Variants in CFAP54 observed in about 807,000 individuals in gnomAD.
CFAP54 encodes cilia and flagella associated protein 54.
CFAP54 carries 290 observed loss-of-function variants against 370.4 expected under a neutral mutation model. The ratio of observed to expected loss-of-function variants is 0.78; its 90% CI spans 0.71 to 0.86. The LOEUF is 0.86. Among genes scored for constraint, CFAP54 ranks in the 40% least tolerant of loss-of-function variants. CFAP54 has a pLI of 0.00. For missense variants in CFAP54, 3,399 were observed against 3,528.7 expected (o/e 0.96, Z 0.93); for synonymous variants, 1,206 against 1,236.5 (o/e 0.98, Z 0.52).
At chr12:96,555,474 A>G (rs781026885) in intron 17 of CFAP54, among the ~76,000 whole-genome samples, 1 of 151,292 alleles carries the variant, frequency 6.6e-6, no homozygotes, top group Admixed American at 6.6e-5. Flanking sequence ...AAAAGAAGAA[A>G]CAAAACTGTT....
chr12:96,633,230 A>C (rs1358755474), intron 32 of CFAP54, among the ~76,000 whole-genome samples: 1 of 152,212 alleles, frequency 6.6e-6, no homozygotes, highest in Admixed American at 6.5e-5. Context: ...GAGTTTAATC[A>C]GGAAAAGAGT....
chr12:96,765,911 A>G (rs1012423413), intron 60 of CFAP54, among the ~76,000 whole-genome samples: 6 of 152,148 alleles, frequency 3.9e-5, no homozygotes, highest in African/African-American at 1.4e-4. Flanking sequence ...TTTTTCCATT[A>G]TTTCACTCAA....
At chr12:96,640,453 A>G (rs917330565) in intron 32 of CFAP54, among the ~76,000 whole-genome samples, 1 of 152,230 alleles carries the variant, frequency 6.6e-6, no homozygotes, top group African/African-American at 2.4e-5. Context: ...AGAACATTCC[A>G]TGCTTATGGG....
intron 32 of CFAP54, among the ~76,000 whole-genome samples, chr12:96,635,306 ATTAAGT>A (rs1168852844): frequency 5.3e-5 from 8 of 152,166 alleles, no homozygotes; most frequent in African/African-American, 1.7e-4. Context: ...TTTGTTATAA[ATTAAGT>A]TTAATTTTGT....
intron 66 of CFAP54, among the ~76,000 whole-genome samples, chr12:96,829,440 T>C (rs1959163122): frequency 6.6e-6 from 1 of 152,106 alleles, no homozygotes; most frequent in East Asian, 1.9e-4. Flanking sequence ...TTTACATGCA[T>C]TCTGTCACTT....
intron 65 of CFAP54, among the ~76,000 whole-genome samples, chr12:96,826,855 A>G (rs1959118245): frequency 8.5e-6 from 1 of 117,388 alleles, no homozygotes; most frequent in Non-Finnish European, 1.6e-5. Context: ...ATTATATAAT[A>G]TATTATATAA....
chr12:96,739,751 C>A (rs533238637), intron 50 of CFAP54, among the ~76,000 whole-genome samples: 2 of 152,092 alleles, frequency 1.3e-5, no homozygotes, highest in South Asian at 4.2e-4. Context: ...AGCTGTGAAG[C>A]AATACTCAGG....
At chr12:96,514,528 C>T (rs1177644581) in intron 5 of CFAP54, among the ~76,000 whole-genome samples, 1 of 152,180 alleles carries the variant, frequency 6.6e-6, no homozygotes, top group Non-Finnish European at 1.5e-5. Context: ...AGAGAATTTG[C>T]ATACTCTGGT....
intron 20 of CFAP54, among the ~76,000 whole-genome samples, chr12:96,578,034 C>G (rs987455149): frequency 6.6e-6 from 1 of 152,040 alleles, no homozygotes; most frequent in African/African-American, 2.4e-5. Flanking sequence ...GACATTCCAG[C>G]CTGGGAGACA....
intron 67 of CFAP54, among the ~76,000 whole-genome samples, chr12:96,867,286 T>TA (rs761380616): frequency 7.9e-5 from 12 of 152,022 alleles, no homozygotes; most frequent in African/African-American, 1.2e-4. Context: ...TCTCTTTATT[T>TA]AAAAAAAAAT....
At position 96,598,688 on chromosome 12, in the gene CFAP54, T is replaced by C; in HGVS notation, c.3560T>C (p.Ile1187Thr). 1 of 681,744 alleles carries C rather than the reference T, an allele frequency of 1.5e-6. No homozygotes were observed. Among genetic ancestry groups the C allele is most frequent in the Non-Finnish European group, 2.7e-6 (1 of 373,432 alleles). The allele number at this position is 681,744 out of a possible 1,614,324, so 42.2% of individuals were successfully genotyped here. The part of the protein sequence containing the change: ...CIVVLQGLPS[I>T]VCSKKHTASF... ...GTGGTTTTGCAAGGACTACCAAGTATTGTCTGCTCGAAGAAACATACTGCG... is the reference window on the plus strand; with the variant it reads ...GTGGTTTTGCAAGGACTACCAAGTACTGTCTGCTCGAAGAAACATACTGCG... The change falls in exon 26 of 68, where the codon ATT (isoleucine) becomes ACT (threonine). Residue 1187 changes from isoleucine to threonine, a missense_variant. Physicochemically the swap from Ile to Thr is moderately conservative, Grantham distance 89. Coordinates refer to ENST00000524981, the MANE Select transcript of CFAP54 (RefSeq NM_001306084.2).
intron 33 of CFAP54, chr12:96,646,375 A>G (rs1185379803): frequency 1.3e-5 from 2 of 152,228 alleles, no homozygotes; most frequent in South Asian, 2.1e-4. Context: ...CATCAGAAAA[A>G]TGCAAATCAA....
intron 66 of CFAP54, among the ~76,000 whole-genome samples, chr12:96,848,437 G>A (rs1181337915): frequency 2.0e-5 from 3 of 151,994 alleles, no homozygotes; most frequent in Non-Finnish European, 2.9e-5. Context: ...AGTGGCTCAC[G>A]CCTGTAATCC....
rs1958705965 is a variant in CFAP54 at position 96,792,170 on chromosome 12, G to T, written c.8680-159G>T. Reference sequence around the variant, plus strand: ...TGGCCAGCATATTTTTACTGTAGGAGAATCTTCTCTGTAGTAAGCCAGGGT... The same window carrying T: ...TGGCCAGCATATTTTTACTGTAGGATAATCTTCTCTGTAGTAAGCCAGGGT... On this transcript the variant is annotated intron_variant, in intron 62 of 67. Coordinates refer to ENST00000524981, the MANE Select transcript of CFAP54 (RefSeq NM_001306084.2). 2.0e-5 allele frequency among the ~76,000 whole-genome samples: 3 copies of T among 152,240 alleles called. No individual in the cohort carries two copies. The South Asian group carries it at 6.2e-4, about 32-fold the overall frequency.
intron 60 of CFAP54, among the ~76,000 whole-genome samples, chr12:96,766,700 T>C (rs1411019503): frequency 2.0e-5 from 3 of 152,222 alleles, no homozygotes; most frequent in Non-Finnish European, 4.4e-5. Flanking sequence ...AGTCAAAATC[T>C]AAGACGATGA....
intron 22 of CFAP54, among the ~76,000 whole-genome samples, chr12:96,581,952 A>G (rs149662449): frequency 2.0e-5 from 3 of 152,270 alleles, no homozygotes; most frequent in African/African-American, 7.2e-5. Flanking sequence ...TATGATGCCC[A>G]ACTTTGTATA....
chr12:96,753,563 A>G (rs1958214935), intron 55 of CFAP54, among the ~76,000 whole-genome samples, 180 bp from the exon 56 acceptor site: 1 of 152,210 alleles, frequency 6.6e-6, no homozygotes, highest in South Asian at 2.1e-4. Context: ...TTATTACTGT[A>G]GTTCATTGAA....
In CFAP54 at chr12:96,685,183, AGAG is replaced by A. The variant is rs756763477; in HGVS notation, c.5960_5962del (p.Arg1987_Val1988delinsIle). ...AGACTACAGTGAGGAGTTTCTGTCA[AGAG>A]TTGGCATCTGGGGGTGTTTGCAAGG... On this transcript the variant is annotated inframe_deletion, in exon 42 of 68. Coordinates refer to ENST00000524981, the MANE Select transcript of CFAP54 (RefSeq NM_001306084.2). 1 of 1,614,120 alleles carries A rather than the reference AGAG, an allele frequency of 6.2e-7. No homozygotes were observed. Among genetic ancestry groups the A allele is most frequent in the Non-Finnish European group, 8.5e-7 (1 of 1,180,000 alleles).
chr12:96,703,513 T>C (rs187653036), intron 46 of CFAP54, among the ~76,000 whole-genome samples: 1 of 152,218 alleles, frequency 6.6e-6, no homozygotes, highest in African/African-American at 2.4e-5. Flanking sequence ...ACATCGCTGT[T>C]GGATTCTACC....
Sources: gnomAD v4.1 joint callset for allele counts (sites outside exome capture counted in the v4.1 genomes callset) on GRCh38, gnomAD v4.1.1 for gene constraint, MANE v1.5 for transcripts, NCBI Gene and HGNC (gene_info 2026-07-23, HGNC 2026-07-21) for gene names.